Variants in NF1 observed in about 807,000 individuals in gnomAD.
NF1 encodes the protein neurofibromin 1, also known as neurofibromin.
In NF1, 122 loss-of-function variants were observed where a neutral mutation model predicts 325.7. The ratio of observed to expected loss-of-function variants is 0.37; its 90% CI spans 0.32 to 0.44. The LOEUF is 0.44. Ranked by LOEUF, NF1 falls within the 20% of genes least tolerant of loss-of-function variation. The pLI is 1.00. For synonymous variants in NF1, 1,091 were observed against 1,186.0 expected, an observed-to-expected ratio of 0.92 and a Z score of 1.65; for missense variants, 2,140 against 3,415.4, an observed-to-expected ratio of 0.63 and a Z score of 9.31.
intron 36 of NF1, among the ~76,000 whole-genome samples, chr17:31,278,398 A>ATT (rs1457845161): frequency 5.2e-5 from 4 of 76,646 alleles, no homozygotes; most frequent in African/African-American, 2.2e-4. Context: ...GTCTTTTTGG[A>ATT]TTTTTTGGGT....
At chr17:31,337,689 C>A in intron 43 of NF1, 107 bp downstream of exon 43, 1 of 1,407,256 alleles carries the variant, frequency 7.1e-7, no homozygotes, top group Non-Finnish European at 9.9e-7. Flanking sequence ...GTACTTAATG[C>A]TTAAATAAAA....
At chr17:31,340,271 C>T (rs1185136672) in intron 46 of NF1, 2 of 547,620 alleles carry the variant, frequency 3.7e-6, no homozygotes, top group Non-Finnish European at 6.5e-6. Flanking sequence ...ATTTAGAAAT[C>T]AAAGAACAGG....
At chr17:31,151,975 T>C (rs1279262491) in intron 1 of NF1, among the ~76,000 whole-genome samples, 2 of 152,210 alleles carry the variant, frequency 1.3e-5, no homozygotes, top group African/African-American at 4.8e-5. Context: ...GTTGGTGTGC[T>C]GCACCCATTA....
intron 5 of NF1, among the ~76,000 whole-genome samples, chr17:31,179,120 C>T (rs577848435): frequency 6.6e-6 from 1 of 152,172 alleles, no homozygotes; most frequent in Non-Finnish European, 1.5e-5. Context: ...TGGAATACAA[C>T]ACTCCTCAGC....
intron 36 of NF1, among the ~76,000 whole-genome samples, chr17:31,324,448 A>G (rs2151535765): frequency 6.6e-6 from 1 of 152,352 alleles, no homozygotes; most frequent in South Asian, 2.1e-4. Context: ...CCTCAAAGAA[A>G]AGAAATTGTT....
chr17:31,281,836 C>T (rs1597776335), intron 36 of NF1, among the ~76,000 whole-genome samples: 2 of 152,108 alleles, frequency 1.3e-5, no homozygotes, highest in Non-Finnish European at 2.9e-5. Context: ...TTGGGAGAGT[C>T]ACTTGAGTCC....
chr17:31,263,067 G>A (rs62070685), intron 35 of NF1, among the ~76,000 whole-genome samples: 8,425 of 138,014 alleles, frequency 0.061, 375 homozygotes, highest in African/African-American at 0.14. Context: ...AGGTAGGTAG[G>A]TAGATAGATA....
At chr17:31,136,349 A>AG (rs1915777165) in intron 1 of NF1, 2 of 150,866 alleles carry the variant, frequency 1.3e-5, no homozygotes, top group Non-Finnish European at 2.9e-5. Flanking sequence ...AAAAAAAAAA[A>AG]GGAAAGAAAA....
At chr17:31,296,309 AT>A (rs1195569376) in intron 36 of NF1, 1 of 1,614,052 alleles carries the variant, frequency 6.2e-7, no homozygotes, top group Admixed American at 1.7e-5. Context: ...GCAGAGAGAC[AT>A]TTTCAATATC....
intron 1 of NF1, among the ~76,000 whole-genome samples, chr17:31,095,932 C>A (rs1911662328): frequency 6.6e-6 from 1 of 152,050 alleles, no homozygotes; most frequent in Admixed American, 6.5e-5. Context: ...AAGGAAGGCA[C>A]AGGTTTTCTT....
At chr17:31,218,631 G>A (rs1427154344) in intron 13 of NF1, among the ~76,000 whole-genome samples, 5 of 151,814 alleles carry the variant, frequency 3.3e-5, no homozygotes, top group Non-Finnish European at 7.4e-5. Context: ...GAGTGCAGCG[G>A]TGCAATCTTG....
At chr17:31,324,605 A>G (rs1422395562) in intron 36 of NF1, among the ~76,000 whole-genome samples, 2 of 152,130 alleles carry the variant, frequency 1.3e-5, no homozygotes, top group Admixed American at 6.5e-5. Context: ...ACTGTTGCCC[A>G]GGCTGAAGTG....
chr17:31,256,755 A>G (rs1159103382), intron 31 of NF1, among the ~76,000 whole-genome samples: 3 of 152,208 alleles, frequency 2.0e-5, no homozygotes, highest in East Asian at 1.9e-4. Context: ...CCATTCTAAT[A>G]AAGCAGCTAT....
chr17:31,306,304 C>T (rs2068718964), intron 36 of NF1, among the ~76,000 whole-genome samples: 1 of 152,018 alleles, frequency 6.6e-6, no homozygotes, highest in Non-Finnish European at 1.5e-5. Context: ...CAGCTTTATG[C>T]CACAATTCCT....
chr17:31,245,934 C>G (rs1047006255), intron 29 of NF1, among the ~76,000 whole-genome samples: 1 of 152,034 alleles, frequency 6.6e-6, no homozygotes, highest in Non-Finnish European at 1.5e-5. Context: ...GGTGACTAGC[C>G]CCGTCTTGAA....
chr17:31,135,866 C>T (rs1915728397), intron 1 of NF1, among the ~76,000 whole-genome samples: 1 of 152,078 alleles, frequency 6.6e-6, no homozygotes, highest in East Asian at 1.9e-4. Flanking sequence ...TGTGAACCAC[C>T]ACCCCCAGCT....
At chr17:31,354,462 G>T (rs2070224538) in intron 51 of NF1, among the ~76,000 whole-genome samples, 2 of 151,782 alleles carry the variant, frequency 1.3e-5, no homozygotes, top group African/African-American at 2.4e-5. Context: ...ACTAGAACTC[G>T]ATTGGAAACG....
At chr17:31,353,544 G>C (rs1470508260) in intron 51 of NF1, among the ~76,000 whole-genome samples, 1 of 152,208 alleles carries the variant, frequency 6.6e-6, no homozygotes, top group Non-Finnish European at 1.5e-5. Flanking sequence ...CTTGAGCCCA[G>C]GAGGTGGGGG....
intron 1 of NF1, among the ~76,000 whole-genome samples, chr17:31,147,333 C>G (rs956936215): frequency 6.6e-6 from 1 of 152,190 alleles, no homozygotes; most frequent in Admixed American, 6.5e-5. Flanking sequence ...ATGTCTTGTT[C>G]TGACTTCTGT....
Sources: gnomAD v4.1 joint callset for allele counts (sites outside exome capture counted in the v4.1 genomes callset) on GRCh38, gnomAD v4.1.1 for gene constraint, MANE v1.5 for transcripts, NCBI Gene and HGNC (gene_info 2026-07-23, HGNC 2026-07-21) for gene names.